Variants in NRG3 observed in about 807,000 individuals in gnomAD.
The protein encoded by NRG3 is pro-neuregulin-3, membrane-bound isoform.
Under a neutral mutation model 66.9 loss-of-function variants are expected in NRG3, and 31 were observed. The ratio of observed to expected loss-of-function variants is 0.46; its 90% CI spans 0.35 to 0.63. NRG3 has a LOEUF of 0.63. Among genes scored for constraint, NRG3 ranks in the 20% least tolerant of loss-of-function variants. The pLI is 0.00. For synonymous variants in NRG3, 393 were observed against 359.4 expected, an observed-to-expected ratio of 1.09 and a Z score of -1.06; for missense variants, 910 against 878.9, an observed-to-expected ratio of 1.04 and a Z score of -0.45.
chr10:82,589,454 C>T (rs186132138), intron 2 of NRG3, among the ~76,000 whole-genome samples: 2 of 152,244 alleles, frequency 1.3e-5, no homozygotes, highest in East Asian at 3.9e-4. Context: ...CTTCAACAGT[C>T]CTGATTCTCA....
chr10:82,022,181 G>A (rs191941921), intron 1 of NRG3, among the ~76,000 whole-genome samples: 1 of 152,102 alleles, frequency 6.6e-6, no homozygotes, highest in Non-Finnish European at 1.5e-5. Flanking sequence ...GTCAGGCCAC[G>A]GTGATTATAA....
intron 1 of NRG3, among the ~76,000 whole-genome samples, chr10:82,151,179 C>T (rs754916698): frequency 1.5e-4 from 23 of 152,196 alleles, no homozygotes; most frequent in Admixed American, 8.5e-4. Context: ...GGTGAGGAAG[C>T]TGGACTCACA....
intron 1 of NRG3, among the ~76,000 whole-genome samples, chr10:82,055,769 A>C (rs1320263478): frequency 2.6e-5 from 4 of 152,152 alleles, no homozygotes; most frequent in Non-Finnish European, 5.9e-5. Flanking sequence ...AGGGGAGTTA[A>C]TATGCAACAA....
chr10:82,004,020 C>CAT (rs2061281894), intron 1 of NRG3, among the ~76,000 whole-genome samples: 1 of 150,696 alleles, frequency 6.6e-6, no homozygotes, highest in Non-Finnish European at 1.5e-5. Context: ...CACACACACA[C>CAT]ACACACACAC....
chr10:82,721,611 C>T (rs1030322254), intron 2 of NRG3, among the ~76,000 whole-genome samples: 2 of 151,462 alleles, frequency 1.3e-5, no homozygotes, highest in South Asian at 4.2e-4. Context: ...TTAGCAGAGG[C>T]GTGGTTTCAC....
chr10:81,888,846 G>A (rs1286453561), intron 1 of NRG3, among the ~76,000 whole-genome samples: 3 of 152,106 alleles, frequency 2.0e-5, no homozygotes, highest in African/African-American at 7.2e-5. Flanking sequence ...GAAGGTGCGA[G>A]GTTTCCAGGA....
chr10:82,982,939 C>A (rs1853074453), intron 8 of NRG3, among the ~76,000 whole-genome samples: 1 of 152,174 alleles, frequency 6.6e-6, no homozygotes, highest in South Asian at 2.1e-4. Context: ...ATCCTTTAGT[C>A]AGTCCTCTGG....
chr10:82,985,586 A>G lies in NRG3; in HGVS notation c.2072A>G (p.Asp691Gly), dbSNP rs1215552455. ...GTCTTAAGAAATGAAATACAAAGAGACTCTGCATTGACCAAGTGACTTGAG... is the reference window on the plus strand; with the variant it reads ...GTCTTAAGAAATGAAATACAAAGAGGCTCTGCATTGACCAAGTGACTTGAG... ...QFVLRNEIQR[D>G]SALTK The change falls in exon 9 of 9, where the codon GAC becomes GGC. Residue 691 changes from aspartate to glycine, a missense_variant. By Grantham distance (94) the Asp-to-Gly change is moderately conservative (BLOSUM62 -1). Coordinates refer to ENST00000372141, the MANE Select transcript of NRG3 (RefSeq NM_001010848.4). 1 of 1,612,208 alleles carries G rather than the reference A, an allele frequency of 6.2e-7. No individual in the cohort carries two copies.
intron 1 of NRG3, among the ~76,000 whole-genome samples, chr10:82,352,686 C>A (rs2083507961): frequency 6.6e-6 from 1 of 152,018 alleles, no homozygotes; most frequent in Non-Finnish European, 1.5e-5. Context: ...ACCTGCAGAG[C>A]AAAGCATGTG....
At chr10:82,026,031 C>T (rs1441712628) in intron 1 of NRG3, among the ~76,000 whole-genome samples, 4 of 151,944 alleles carry the variant, frequency 2.6e-5, no homozygotes, top group Non-Finnish European at 5.9e-5. Context: ...ATGTGGGTTC[C>T]AGAAAATAAT....
At chr10:82,623,156 C>T (rs1483344174) in intron 2 of NRG3, among the ~76,000 whole-genome samples, 2 of 152,146 alleles carry the variant, frequency 1.3e-5, no homozygotes, top group East Asian at 1.9e-4. Flanking sequence ...TATTGTTTCT[C>T]TTTGCTCTCT....
chr10:82,849,273 G>A (rs955168973), intron 3 of NRG3, among the ~76,000 whole-genome samples: 1 of 152,166 alleles, frequency 6.6e-6, no homozygotes, highest in Admixed American at 6.5e-5. Context: ...AGCTAGGAGA[G>A]TGACATAGGA....
chr10:82,187,327 T>C (rs1385182693), intron 1 of NRG3, among the ~76,000 whole-genome samples: 2 of 152,200 alleles, frequency 1.3e-5, no homozygotes, highest in African/African-American at 4.8e-5. Flanking sequence ...ATTCGCTTCT[T>C]ATATGCCATT....
intron 2 of NRG3, among the ~76,000 whole-genome samples, chr10:82,728,812 A>G (rs1049014643): frequency 2.0e-5 from 3 of 152,212 alleles, no homozygotes; most frequent in Non-Finnish European, 4.4e-5. Context: ...AGATGTGACA[A>G]TGAACCCAGC....
At chr10:82,178,172 C>A (rs142783990) in intron 1 of NRG3, among the ~76,000 whole-genome samples, 1 of 152,036 alleles carries the variant, frequency 6.6e-6, no homozygotes, top group East Asian at 1.9e-4. Context: ...TTCCAAAACG[C>A]CCTCACACAT....
Position 82,128,684 on chromosome 10 carries a change from C to T in NRG3, c.824-230055C>T, listed in dbSNP as rs73320340. Among the ~76,000 whole-genome samples, 803 of 151,976 alleles carry T rather than the reference C, an allele frequency of 5.3e-3. 9 individuals carry two copies. Among genetic ancestry groups the T allele is most frequent in the African/African-American group, 0.018 (748 of 41,474 alleles). On this transcript the variant is annotated intron_variant, in intron 1 of 8. Transcript: ENST00000372141. ...TTGTTGATTACAAATGCCTTATATG[C>T]GTCTGACTCAAAATATGATAAGAAC...
intron 3 of NRG3, chr10:82,859,300 C>T (rs930125471): frequency 6.6e-6 from 1 of 152,192 alleles, no homozygotes; most frequent in East Asian, 1.9e-4. Flanking sequence ...CATGCTTTTC[C>T]ATATCCCATA....
chr10:82,675,933 A>G (rs1473034100), intron 2 of NRG3, among the ~76,000 whole-genome samples: 1 of 152,200 alleles, frequency 6.6e-6, no homozygotes, highest in African/African-American at 2.4e-5. Context: ...CTGAAAGGGT[A>G]ACAAATTCTA....
intron 1 of NRG3, among the ~76,000 whole-genome samples, chr10:81,884,858 C>T (rs753585526): frequency 1.3e-5 from 2 of 152,122 alleles, no homozygotes; most frequent in Non-Finnish European, 2.9e-5. Flanking sequence ...ATGCTGTCAC[C>T]ACAGTCAGGG....
Sources: allele counts gnomAD v4.1 joint callset (sites outside exome capture counted in the v4.1 genomes callset), GRCh38; gene constraint gnomAD v4.1.1; transcripts MANE v1.5; gene names NCBI Gene and HGNC (gene_info 2026-07-23, HGNC 2026-07-21).